Variants in SPTA1 observed in about 807,000 individuals in gnomAD.
The protein encoded by SPTA1 is spectrin alpha chain, erythrocytic 1.
In SPTA1, 177 loss-of-function variants were observed where a neutral mutation model predicts 324.7. The observed-to-expected ratio is 0.55, with a 90% CI of 0.48 to 0.62. The LOEUF is 0.62. Ranked by LOEUF, SPTA1 falls within the 20% of genes least tolerant of loss-of-function variation. The pLI, the probability that SPTA1 is intolerant of heterozygous loss-of-function variation, is 0.00. For missense variants in SPTA1, 3,162 were observed against 2,883.6 expected (o/e 1.10, Z -2.21); for synonymous variants, 1,195 against 1,041.3 (o/e 1.15, Z -2.84).
intron 42 of SPTA1, among the ~76,000 whole-genome samples, 159 bp downstream of exon 42, chr1:158,625,987 A>G (rs1284208533): frequency 2.6e-5 from 4 of 152,008 alleles, no homozygotes; most frequent in Non-Finnish European, 5.9e-5. Context: ...CATGAGAGAG[A>G]GGGAAAAAAT....
Position 158,676,304 on chromosome 1 carries a change from T to C in SPTA1, c.958-9A>G. The C allele has an allele frequency of 1.2e-6, 2 of 1,613,154 alleles. No individual in the cohort carries two copies. Among genetic ancestry groups the C allele is most frequent in the Non-Finnish European group, 1.7e-6 (2 of 1,179,518 alleles). On this transcript the variant is annotated splice_polypyrimidine_tract_variant and intron_variant, in intron 7 of 51. Coordinates refer to ENST00000643759, the MANE Select transcript of SPTA1 (RefSeq NM_003126.4). ...GCACATAACTCCTTCACCTTTGGGA[T>C]GAAAAAGAAACCTAGTAGGAAATCC...
chr1:158,624,487 G>T (rs1336595243), intron 42 of SPTA1, among the ~76,000 whole-genome samples: 4 of 152,152 alleles, frequency 2.6e-5, no homozygotes, highest in African/African-American at 9.7e-5. Flanking sequence ...TGTCCTGTTG[G>T]ATTTCAGACT....
chr1:158,663,279 A>G (rs1653372486), intron 16 of SPTA1, among the ~76,000 whole-genome samples: 1 of 152,218 alleles, frequency 6.6e-6, no homozygotes, highest in Non-Finnish European at 1.5e-5. Context: ...AAAAACTGGA[A>G]GTGTTTTTCT....
At position 158,674,349 on chromosome 1, in the gene SPTA1, A is replaced by C. The variant is rs202138403; in HGVS notation, c.1330T>G (p.Ser444Ala). The change falls in exon 10 of 52, where the codon TCT (serine) becomes GCT (alanine). Residue 444 changes from serine to alanine, a missense_variant. Coordinates refer to ENST00000643759, the MANE Select transcript of SPTA1 (RefSeq NM_003126.4). ...QDLVNANHEA[S>A]DEVREKMEIL... The stretch of plus-strand genomic sequence containing the variant: ...ATTACCTTTTCCCGAACTTCATCAG[A>C]GGCTTCATGATTGGCATTCACGAGG... 127 of 1,613,964 alleles carry C rather than the reference A, an allele frequency of 7.9e-5. No individual in the cohort carries two copies. Among genetic ancestry groups the C allele is most frequent in the Non-Finnish European group, 1.1e-4 (126 of 1,179,966 alleles).
At position 158,678,474 on chromosome 1, in the gene SPTA1, C is replaced by G. The variant is rs369993070; in HGVS notation, c.739G>C (p.Glu247Gln). The G allele has an allele frequency of 3.7e-6, 6 of 1,613,584 alleles. No homozygotes were observed. Among genetic ancestry groups the G allele is most frequent in the Non-Finnish European group, 5.1e-6 (6 of 1,179,788 alleles). The change falls in exon 6 of 52, where the codon GAG becomes CAG. Residue 247 changes from glutamate to glutamine, a missense_variant. By Grantham distance (29) the Glu-to-Gln change is conservative (BLOSUM62 2). Transcript: ENST00000643759. ...SKQNEVNAAWERLRGLALQRQ... is the reference protein window; with the variant it reads ...SKQNEVNAAWQRLRGLALQRQ... Reference sequence around the variant, plus strand: ...TGGAGAGCCAAACCACGAAGGCGCTCCCAGGCAGCATTCACCTCATTTTGC... The same window carrying G: ...TGGAGAGCCAAACCACGAAGGCGCTGCCAGGCAGCATTCACCTCATTTTGC...
In SPTA1 at chr1:158,623,207, G is replaced by A. The variant is rs761835437; in HGVS notation, c.5911-15C>T. On this transcript the variant is annotated splice_polypyrimidine_tract_variant and intron_variant, in intron 42 of 51. Coordinates refer to ENST00000643759, the MANE Select transcript of SPTA1 (RefSeq NM_003126.4). ...TCCAGAGTGTCCTGAGAAAGATCAG[G>A]AGAGAGGCCGTGAACAAGAAAATGG... 20 of 1,601,782 alleles carry A rather than the reference G, an allele frequency of 1.2e-5. No individual in the cohort carries two copies. The South Asian group carries it at 2.2e-4, about 18-fold the overall frequency.
At chr1:158,684,171 G>A (rs1655012788) in intron 2 of SPTA1, among the ~76,000 whole-genome samples, 1 of 151,376 alleles carries the variant, frequency 6.6e-6, no homozygotes, top group Non-Finnish European at 1.5e-5. Flanking sequence ...AATTTTAGGT[G>A]ATCAGAAACG....
Position 158,648,644 on chromosome 1 carries a change from A to G in SPTA1, c.3579T>C (p.Asp1193=). 6.2e-7 allele frequency: 1 copy of G among 1,613,760 alleles called. No individual in the cohort carries two copies. Among genetic ancestry groups the G allele is most frequent in the Non-Finnish European group, 8.5e-7 (1 of 1,179,886 alleles). Residue 1193 remains aspartate, a synonymous_variant, in exon 26 of 52, where the codon GAT becomes GAC. Transcript: ENST00000643759. ...HAVEVFHREA[D]DTKEQIEKKC... is the part of the protein sequence containing the mutation. ...TCTTCTCAATCTGCTCCTTCGTGTC[A>G]TCTGCTTCTCTGGTATACAAGAGAG...
chr1:158,658,751 GA>G lies in SPTA1; in HGVS notation c.2588-1058del, dbSNP rs200590734. 4.3e-3 allele frequency among the ~76,000 whole-genome samples: 658 copies of G among 151,934 alleles called. 2 individuals carry two copies. The highest frequency in any genetic ancestry group is 7.6e-3 in the Non-Finnish European group (517 of 67,906). ...AAAAGCTTTAAAACAGGTAGAGGGGGAAAAAAAGACATATTACATACAGAGG... is the reference window on the plus strand; with the variant it reads ...AAAAGCTTTAAAACAGGTAGAGGGGGAAAAAAGACATATTACATACAGAGG... On this transcript the variant is annotated intron_variant, in intron 18 of 51. Coordinates refer to ENST00000643759, the MANE Select transcript of SPTA1 (RefSeq NM_003126.4).
chr1:158,624,721 G>A (rs1490235581), intron 42 of SPTA1, among the ~76,000 whole-genome samples: 1 of 152,172 alleles, frequency 6.6e-6, no homozygotes, highest in Non-Finnish European at 1.5e-5. Context: ...AGTCAATATT[G>A]TATTTTCCCC....
Position 158,615,326 on chromosome 1 carries a change from A to G in SPTA1, c.6678T>C (p.Ala2226=). ...IVDLGDNLED[A]LILDIKYSTI... is the part of the protein sequence containing the mutation. Reference sequence around the variant, plus strand: ...TGCTGTATTTGATATCAAGGATCAGAGCGTCTTCCAAGTTGTCCCCCAGGT... The same window carrying G: ...TGCTGTATTTGATATCAAGGATCAGGGCGTCTTCCAAGTTGTCCCCCAGGT... The change falls in exon 48 of 52, where the codon GCT becomes GCC. Residue 2226 remains alanine, a synonymous_variant. Coordinates refer to ENST00000643759, the MANE Select transcript of SPTA1 (RefSeq NM_003126.4). 2 of 1,614,086 alleles carry G rather than the reference A, an allele frequency of 1.2e-6. No individual in the cohort carries two copies. The highest frequency in any genetic ancestry group is 1.7e-6 in the Non-Finnish European group (2 of 1,180,024).
intron 31 of SPTA1, among the ~76,000 whole-genome samples, 171 bp from the exon 32 acceptor site, chr1:158,643,147 A>G (rs1002018741): frequency 1.3e-5 from 2 of 152,172 alleles, no homozygotes; most frequent in African/African-American, 2.4e-5. Context: ...GGTATCTTTC[A>G]TCTTTCATGT....
In SPTA1 at chr1:158,636,036, TGAAGAA is replaced by T. The variant is rs745869753; in HGVS notation, c.5311-8_5311-3del. On this transcript the variant is annotated splice_polypyrimidine_tract_variant and splice_region_variant and intron_variant, in intron 37 of 51. Coordinates refer to ENST00000643759, the MANE Select transcript of SPTA1 (RefSeq NM_003126.4). ...CTTCTCTGCCATATCCAGCACATTC[TGAAGAA>T]CAACCCCGATACATGTTCCATTACC... The T allele has an allele frequency of 6.2e-7, 1 of 1,614,168 alleles. No homozygotes were observed. Among genetic ancestry groups the T allele is most frequent in the South Asian group, 1.1e-5 (1 of 91,088 alleles).
intron 14 of SPTA1, 29 bp from the exon 15 acceptor site, chr1:158,668,091 ACC>A: frequency 6.9e-7 from 1 of 1,439,514 alleles, no homozygotes; most frequent in Non-Finnish European, 9.7e-7. Context: ...AAAAAAAAAA[ACC>A]ATTACCTGAA....
intron 46 of SPTA1, 42 bp downstream of exon 46, chr1:158,617,997 T>A: frequency 6.3e-7 from 1 of 1,577,462 alleles, no homozygotes; most frequent in Non-Finnish European, 8.7e-7. Flanking sequence ...TCTTCCATAA[T>A]AATATAATAA....
chr1:158,665,270 A>G (rs1653510181), intron 16 of SPTA1, among the ~76,000 whole-genome samples: 1 of 152,132 alleles, frequency 6.6e-6, no homozygotes, highest in Admixed American at 6.6e-5. Flanking sequence ...TCAGAGCTAT[A>G]TTTGTATGAT....
Position 158,614,123 on chromosome 1 carries a change from G to C in SPTA1, c.6842+130C>G, listed in dbSNP as rs994701729. The C allele has an allele frequency of 8.5e-6, 7 of 822,928 alleles. No homozygotes were observed. The African/African-American group carries it at 1.0e-4, about 12-fold the overall frequency. 51.0% of individuals were successfully genotyped at this position (822,928 alleles called of 1,614,324 possible). Reference sequence around the variant, plus strand: ...AATCTCACAGAAAGCCATGACTGGAGCTAATGAGCATATCTAGATCTTCAT... The same window carrying C: ...AATCTCACAGAAAGCCATGACTGGACCTAATGAGCATATCTAGATCTTCAT... On this transcript the variant is annotated intron_variant, in intron 49 of 51. Transcript: ENST00000643759.
chr1:158,653,532 G>A (rs763002226), intron 21 of SPTA1, 107 bp from the exon 22 acceptor site: 103 of 1,472,472 alleles, frequency 7.0e-5, no homozygotes, highest in Non-Finnish European at 9.4e-5. Context: ...TAATGGCAAA[G>A]ATAAGCTAAC....
chr1:158,617,702 A>G (rs1649645046), intron 46 of SPTA1, 114 bp from the exon 47 acceptor site: 2 of 1,092,400 alleles, frequency 1.8e-6, no homozygotes, highest in Non-Finnish European at 2.8e-6. Flanking sequence ...TGTGGCTTAC[A>G]TGAAGCAAAA....
Sources: allele counts gnomAD v4.1 joint callset (sites outside exome capture counted in the v4.1 genomes callset), GRCh38; gene constraint gnomAD v4.1.1; transcripts MANE v1.5; gene names NCBI Gene and HGNC (gene_info 2026-07-23, HGNC 2026-07-21).